SHISA9: variants seen among roughly 807,000 people sequenced by gnomAD.
SHISA9 encodes protein shisa-9.
Under a neutral mutation model 38.0 loss-of-function variants are expected in SHISA9, and 13 were observed. The ratio of observed to expected loss-of-function variants is 0.34; its 90% CI spans 0.22 to 0.54. The LOEUF is 0.54. SHISA9 is among the 20% of genes least tolerant of loss of function. The pLI is 0.91. For missense variants in SHISA9, 538 were observed against 575.8 expected (o/e 0.93, Z 0.67); for synonymous variants, 275 against 242.0 (o/e 1.14, Z -1.27).
At chr16:12,914,572 A>G (rs1371133654) in intron 1 of SHISA9, among the ~76,000 whole-genome samples, 2 of 152,058 alleles carry the variant, frequency 1.3e-5, no homozygotes, top group Middle Eastern at 3.2e-3. Context: ...TCTCATTCAT[A>G]TGGGGCTCTT....
intron 2 of SHISA9, among the ~76,000 whole-genome samples, chr16:13,005,261 T>G (rs2072583830): frequency 6.6e-6 from 1 of 152,076 alleles, no homozygotes; most frequent in African/African-American, 2.4e-5. Flanking sequence ...TATGGAGTTC[T>G]GAAGAGAGAT....
chr16:13,121,169 T>A lies in SHISA9; in HGVS notation c.692-82225T>A, dbSNP rs951406523. 3.9e-5 allele frequency among the ~76,000 whole-genome samples: 6 copies of A among 152,030 alleles called. No homozygotes were observed. The South Asian group carries it at 1.2e-3, about 32-fold the overall frequency. ...GGGGAGACCCCCTGTCTCAAAAAAATTAATAAATTAAAATAAATAAATAAA... is the reference window on the plus strand; with the variant it reads ...GGGGAGACCCCCTGTCTCAAAAAAAATAATAAATTAAAATAAATAAATAAA... On this transcript the variant is annotated intron_variant, in intron 2 of 4. Coordinates refer to ENST00000558583, the MANE Select transcript of SHISA9 (RefSeq NM_001145204.3).
the SHISA9 span, among the ~76,000 whole-genome samples, chr16:13,367,176 T>C: frequency 6.6e-6 from 1 of 151,516 alleles, no homozygotes; most frequent in African/African-American, 2.4e-5. Flanking sequence ...AACATCTAAA[T>C]AAAATGTCCA....
the SHISA9 span, among the ~76,000 whole-genome samples, chr16:13,261,643 C>G: frequency 6.6e-6 from 1 of 152,162 alleles, no homozygotes; most frequent in Admixed American, 6.5e-5. Flanking sequence ...ATAATCCAGA[C>G]CCACTGTTTA....
At chr16:13,075,780 C>T (rs533891188) in intron 2 of SHISA9, among the ~76,000 whole-genome samples, 78 of 152,266 alleles carry the variant, frequency 5.1e-4, no homozygotes, top group African/African-American at 1.7e-3. Context: ...ATAAAGATCA[C>T]ACAGCTGGTA....
At chr16:13,478,786 C>T in the SHISA9 span, among the ~76,000 whole-genome samples, 3 of 152,152 alleles carry the variant, frequency 2.0e-5, no homozygotes, top group Admixed American at 6.5e-5. Flanking sequence ...GTTAAGAATG[C>T]GGGCTCGAAG....
At chr16:12,992,537 A>G (rs1401786796) in intron 2 of SHISA9, among the ~76,000 whole-genome samples, 1 of 151,916 alleles carries the variant, frequency 6.6e-6, no homozygotes. Flanking sequence ...GTCTCAAAAC[A>G]AAAACAAAAA....
At chr16:13,053,423 C>T (rs1415092959) in intron 2 of SHISA9, among the ~76,000 whole-genome samples, 1 of 152,228 alleles carries the variant, frequency 6.6e-6, no homozygotes, top group Non-Finnish European at 1.5e-5. Flanking sequence ...AAGCCTCCAA[C>T]AGGTCTCCCT....
At chr16:13,332,210 A>T in the SHISA9 span, among the ~76,000 whole-genome samples, 2 of 152,326 alleles carry the variant, frequency 1.3e-5, no homozygotes, top group African/African-American at 4.8e-5. Flanking sequence ...TGGGATGACA[A>T]GTTGTCCTGG....
Position 13,036,111 on chromosome 16 carries a change from A to G in SHISA9, c.691+119296A>G, listed in dbSNP as rs188240271. On this transcript the variant is annotated intron_variant, in intron 2 of 4. Transcript: ENST00000558583. ...AAATAAAGTTTAACCTGCCCTTACC[A>G]TATGACACATCAATTCCACTCCTAG... 4.7e-4 allele frequency among the ~76,000 whole-genome samples: 71 copies of G among 152,346 alleles called. 1 individual carries two copies. Among genetic ancestry groups the G allele is most frequent in the Non-Finnish European group, 6.0e-4 (41 of 68,032 alleles).
the SHISA9 span, among the ~76,000 whole-genome samples, chr16:13,271,012 T>C: frequency 6.6e-6 from 1 of 152,202 alleles, no homozygotes; most frequent in Non-Finnish European, 1.5e-5. Context: ...CCTTGGGTTC[T>C]GAGAGTTTAG....
At chr16:13,190,263 A>T (rs1167113180) in intron 2 of SHISA9, among the ~76,000 whole-genome samples, 1 of 131,364 alleles carries the variant, frequency 7.6e-6, no homozygotes, top group Non-Finnish European at 1.6e-5. Flanking sequence ...CCAGAGTGTG[A>T]TATTCCCCTT....
At chr16:13,079,189 T>A (rs778899584) in intron 2 of SHISA9, among the ~76,000 whole-genome samples, 2 of 152,194 alleles carry the variant, frequency 1.3e-5, no homozygotes, top group Non-Finnish European at 2.9e-5. Flanking sequence ...AATGCCATGA[T>A]ATGTAGTTAG....
the SHISA9 span, among the ~76,000 whole-genome samples, chr16:13,548,393 A>G: frequency 2.0e-5 from 3 of 152,232 alleles, no homozygotes; most frequent in Non-Finnish European, 2.9e-5. Flanking sequence ...CTTCTGTACA[A>G]TGAAGGAAAC....
the SHISA9 span, among the ~76,000 whole-genome samples, chr16:13,371,572 T>G: frequency 3.4e-4 from 51 of 152,210 alleles, no homozygotes; most frequent in Non-Finnish European, 5.9e-4. Context: ...CTTGATTCAA[T>G]GGTAAGTGAA....
chr16:13,190,657 C>A (rs537208359), intron 2 of SHISA9, among the ~76,000 whole-genome samples: 4 of 152,318 alleles, frequency 2.6e-5, no homozygotes, highest in African/African-American at 9.6e-5. Flanking sequence ...CGCCATGCTG[C>A]GGATCTGCCT....
At chr16:13,367,658 G>GA in the SHISA9 span, among the ~76,000 whole-genome samples, 1 of 149,524 alleles carries the variant, frequency 6.7e-6, no homozygotes, top group South Asian at 2.1e-4. Flanking sequence ...GGATGCGGGG[G>GA]GGAATGAAGA....
At chr16:13,073,239 T>G (rs1156505718) in intron 2 of SHISA9, among the ~76,000 whole-genome samples, 2 of 149,042 alleles carry the variant, frequency 1.3e-5, no homozygotes, top group Admixed American at 6.7e-5. Context: ...TTTTTTTTTT[T>G]GTACAACAGG....
rs923553506 is a variant in SHISA9 at position 13,026,084 on chromosome 16, C to T, written c.691+109269C>T. Among the ~76,000 whole-genome samples the T allele has an allele frequency of 5.9e-5, 9 of 152,274 alleles. No individual in the cohort carries two copies. In the South Asian group the frequency reaches 6.2e-4, roughly 11 times the overall value. Reference sequence around the variant, plus strand: ...CCTCCCAAAGTGTTGGGATTACAGGCGTGAGCCACCGCGCCCACCTTAACA... The same window carrying T: ...CCTCCCAAAGTGTTGGGATTACAGGTGTGAGCCACCGCGCCCACCTTAACA... On this transcript the variant is annotated intron_variant, in intron 2 of 4. Coordinates refer to ENST00000558583, the MANE Select transcript of SHISA9 (RefSeq NM_001145204.3).
Sources: gnomAD v4.1 joint callset for allele counts (sites outside exome capture counted in the v4.1 genomes callset) on GRCh38, gnomAD v4.1.1 for gene constraint, MANE v1.5 for transcripts, NCBI Gene and HGNC (gene_info 2026-07-23, HGNC 2026-07-21) for gene names.